NPIPB2: variants seen among roughly 807,000 people sequenced by gnomAD.
NPIPB2 encodes the protein nuclear pore complex-interacting protein family member B2.
NPIPB2 carries 27 observed loss-of-function variants against 30.8 expected under a neutral mutation model. That is an observed-to-expected ratio of 0.88 (90% confidence interval 0.65 to 1.21). The LOEUF (loss-of-function observed/expected upper bound fraction) is 1.21, where lower values mean the gene tolerates loss of function less well. Among genes scored for constraint, NPIPB2 ranks in the 50% most tolerant of loss-of-function variants. The pLI, the probability that NPIPB2 is intolerant of heterozygous loss-of-function variation, is 0.00. For missense variants in NPIPB2, 440 were observed against 446.2 expected, an observed-to-expected ratio of 0.99 and a Z score of 0.13; for synonymous variants, 147 against 162.0, an observed-to-expected ratio of 0.91 and a Z score of 0.70.
intron 1 of NPIPB2, among the ~76,000 whole-genome samples, chr16:11,950,515 T>C (rs1480685803): frequency 6.6e-6 from 1 of 152,126 alleles, no homozygotes; most frequent in Admixed American, 6.6e-5. Context: ...ACTTTGCAAA[T>C]GACTTCTCTT....
chr16:11,967,706 C>T (rs759685287), intron 1 of NPIPB2: 15 of 1,614,150 alleles, frequency 9.3e-6, no homozygotes, highest in South Asian at 7.7e-5. Context: ...AACCGAAGGT[C>T]GACTCTGACC....
intron 1 of NPIPB2, among the ~76,000 whole-genome samples, chr16:11,970,432 C>G (rs953985115): frequency 5.9e-5 from 9 of 151,944 alleles, no homozygotes; most frequent in Non-Finnish European, 8.8e-5. Context: ...AGGCTGGTCT[C>G]GGACTCCTGA....
chr16:11,965,321 G>A (rs1281461136), intron 1 of NPIPB2: 1 of 1,613,794 alleles, frequency 6.2e-7, no homozygotes. Context: ...TTCTTTTTGT[G>A]ATCATGTTGC....
chr16:11,975,368 C>T (rs1038405766), intron 1 of NPIPB2, among the ~76,000 whole-genome samples: 2 of 149,512 alleles, frequency 1.3e-5, no homozygotes, highest in South Asian at 2.2e-4. Flanking sequence ...GGGATGGTCT[C>T]GATCTCCTGA....
At chr16:11,952,307 C>T (rs1036399552) in intron 1 of NPIPB2, among the ~76,000 whole-genome samples, 12 of 151,890 alleles carry the variant, frequency 7.9e-5, no homozygotes, top group African/African-American at 2.9e-4. Flanking sequence ...GAGATCGCGC[C>T]ACTGCACTCC....
intron 1 of NPIPB2, among the ~76,000 whole-genome samples, chr16:11,939,550 A>C (rs1481914830): frequency 1.2e-5 from 1 of 85,696 alleles, no homozygotes; most frequent in African/African-American, 3.8e-5. Context: ...ACAGAGCGAG[A>C]CTCTGTCTCA....
At chr16:11,927,553 G>C (rs2054743398) in exon 8 of NPIPB2, 2 of 1,605,244 alleles carry the variant, frequency 1.2e-6, no homozygotes, top group Non-Finnish European at 1.7e-6. Flanking sequence ...TCCACCTCTT[G>C]GGTTTGGGTG....
intron 1 of NPIPB2, among the ~76,000 whole-genome samples, chr16:11,949,015 G>A (rs1285225412): frequency 6.6e-6 from 1 of 151,794 alleles, no homozygotes; most frequent in Non-Finnish European, 1.5e-5. Flanking sequence ...CCTGCCGCAT[G>A]CCTGTAATCC....
At chr16:11,967,450 C>G in intron 1 of NPIPB2, 1 of 1,042,706 alleles carries the variant, frequency 9.6e-7, no homozygotes, top group Non-Finnish European at 1.4e-6. Context: ...TAAGACCCCA[C>G]CTCTAAAAAA....
intron 1 of NPIPB2, among the ~76,000 whole-genome samples, chr16:11,950,284 C>T (rs1436318456): frequency 6.6e-6 from 1 of 152,134 alleles, no homozygotes; most frequent in East Asian, 1.9e-4. Context: ...GATCTGCCCA[C>T]CTCAGCCTCC....
chr16:11,971,380 A>G (rs1421762795), intron 1 of NPIPB2, among the ~76,000 whole-genome samples: 1 of 147,034 alleles, frequency 6.8e-6, no homozygotes. Context: ...CAGTCAATAC[A>G]TATAAAATGT....
At chr16:11,973,614 T>A (rs781178864) in intron 1 of NPIPB2, among the ~76,000 whole-genome samples, 28 of 152,122 alleles carry the variant, frequency 1.8e-4, no homozygotes, top group Non-Finnish European at 3.5e-4. Context: ...GTTGCCCAGG[T>A]TGGAGTGCAG....
At chr16:11,933,529 G>A (rs2054819645) in exon 4 of NPIPB2, 3 of 1,596,930 alleles carry the variant, frequency 1.9e-6, no homozygotes, top group Non-Finnish European at 2.5e-6. Context: ...TTTTTTGGCG[G>A]TCTTCCTCTT....
At chr16:11,965,056 G>T in intron 1 of NPIPB2, 2 of 453,290 alleles carry the variant, frequency 4.4e-6, no homozygotes, top group Non-Finnish European at 3.9e-6. Flanking sequence ...AGCAGTTTCT[G>T]TTTCAGATGT....
intron 1 of NPIPB2, among the ~76,000 whole-genome samples, chr16:11,976,411 C>G (rs1166587767): frequency 1.3e-5 from 2 of 152,234 alleles, no homozygotes; most frequent in African/African-American, 4.8e-5. Flanking sequence ...CGCCTGTGCC[C>G]ACGCTTTGTC....
At position 11,969,682 on chromosome 16, in the gene NPIPB2, T is replaced by A. The variant is rs11570170; in HGVS notation, c.-584+6886A>T. Among the ~76,000 whole-genome samples the A allele has an allele frequency of 3.3e-3, 503 of 152,368 alleles. 5 individuals are homozygous for A. Among genetic ancestry groups the A allele is most frequent in the African/African-American group, 0.011 (467 of 41,586 alleles). On this transcript the variant is annotated intron_variant, in intron 1 of 5. Coordinates refer to the NPIPB2 transcript ENST00000538896. ...TTGGCCTTGTGAGCTTCCAGCTTAA[T>A]GAAAGCATCAGGCATTACTATAATT...
In NPIPB2 at chr16:11,937,179, C is replaced by T. The variant is rs3895656; in HGVS notation, c.192+361G>A. On this transcript the variant is annotated intron_variant, in intron 2 of 7. Transcript: ENST00000399147. ...CATTTCTGCAGTGAATCTTCAGAGA[C>T]GAGACTGGAAGCTTTCCTTCCACCC... is the stretch of plus-strand genomic sequence containing the variant. 4.6e-3 allele frequency among the ~76,000 whole-genome samples: 694 copies of T among 152,230 alleles called. 4 individuals are homozygous for T. The highest frequency in any genetic ancestry group is 0.015 in the African/African-American group (618 of 41,522).
chr16:11,976,589 G>C (rs887084786), exon 1 of NPIPB2: 15 of 362,348 alleles, frequency 4.1e-5, no homozygotes, highest in Non-Finnish European at 7.4e-5. Context: ...AGCCCGCGTA[G>C]CCTCAGCACC....
chr16:11,973,293 C>A lies in NPIPB2; in HGVS notation c.-584+3275G>T, dbSNP rs74645316. ...AGTTTTTCAGGTTGCCTTTGGAGTGCCCTTGGCCAAGAGGCGGGCTTCATT... is the reference window on the plus strand; with the variant it reads ...AGTTTTTCAGGTTGCCTTTGGAGTGACCTTGGCCAAGAGGCGGGCTTCATT... On this transcript the variant is annotated intron_variant, in intron 1 of 5. Transcript: ENST00000538896. Among the ~76,000 whole-genome samples the A allele has an allele frequency of 4.4e-4, 67 of 152,144 alleles. 2 individuals are homozygous for A. The East Asian group carries it at 0.012, about 26-fold the overall frequency.
Sources: allele counts gnomAD v4.1 joint callset (sites outside exome capture counted in the v4.1 genomes callset), GRCh38; gene constraint gnomAD v4.1.1; transcripts MANE v1.5; gene names NCBI Gene and HGNC (gene_info 2026-07-23, HGNC 2026-07-21).